The following YAP1 variants were observed in gnomAD, a reference collection of about 807,000 sequenced individuals.
YAP1 encodes Yes1 associated transcriptional regulator.
YAP1 carries 5 observed loss-of-function variants against 56.9 expected under a neutral mutation model. That is an observed-to-expected ratio of 0.09 (90% confidence interval 0.05 to 0.18). The LOEUF is 0.18. Among genes scored for constraint, YAP1 ranks in the 10% least tolerant of loss-of-function variants. YAP1 has a pLI of 1.00. For synonymous variants in YAP1, 265 were observed against 248.1 expected, an observed-to-expected ratio of 1.07 and a Z score of -0.64; for missense variants, 539 against 651.8, an observed-to-expected ratio of 0.83 and a Z score of 1.88.
intron 4 of YAP1, among the ~76,000 whole-genome samples, chr11:102,191,573 G>C (rs1330471096): frequency 6.6e-6 from 1 of 152,102 alleles, no homozygotes; most frequent in Non-Finnish European, 1.5e-5. Flanking sequence ...ATGAAAATTT[G>C]AGAGGGAGAA....
chr11:102,146,658 C>T (rs1295059593), intron 2 of YAP1, among the ~76,000 whole-genome samples: 1 of 152,144 alleles, frequency 6.6e-6, no homozygotes, highest in Non-Finnish European at 1.5e-5. Flanking sequence ...ATAGCATTTC[C>T]TCAACTCTAA....
chr11:102,110,883 C>A lies in YAP1; in HGVS notation c.35C>A (p.Ala12Asp). 7.0e-7 allele frequency: 1 copy of A among 1,419,960 alleles called. No homozygotes were observed. The highest frequency in any genetic ancestry group is 9.2e-7 in the Non-Finnish European group (1 of 1,084,582). 88.0% of individuals were successfully genotyped at this position (1,419,960 alleles called of 1,614,324 possible). Residue 12 changes from alanine (A) to aspartate (D), a missense_variant, in exon 1 of 9, where the codon GCC (alanine) becomes GAC (aspartate). Coordinates refer to ENST00000282441, the MANE Select transcript of YAP1 (RefSeq NM_001130145.3). ...DPGQQPPPQP[A>D]PQGQGQPPSQ... is the part of the protein sequence containing the mutation. ...GGGCAGCAGCCGCCGCCTCAACCGGCCCCCCAGGGCCAAGGGCAGCCGCCT... is the reference window on the plus strand; with the variant it reads ...GGGCAGCAGCCGCCGCCTCAACCGGACCCCCAGGGCCAAGGGCAGCCGCCT...
In YAP1 at chr11:102,233,253, C is replaced by G. The variant is rs1369410456; in HGVS notation, c.*3313C>G. The G allele has an allele frequency of 6.6e-6, 1 of 152,126 alleles. No homozygotes were observed. The highest frequency in any genetic ancestry group is 1.5e-5 in the Non-Finnish European group (1 of 68,016). The allele number at this position is 152,126 out of a possible 1,614,324, so 9.4% of individuals were successfully genotyped here. A position where few individuals can be genotyped will look rare whatever the true frequency, so the allele number is the denominator to read the frequency against. Reference sequence around the variant, plus strand: ...TTATATTAGAGAATTCTTTAATGCACACTTGTCAAATATATATATATAGTA... The same window carrying G: ...TTATATTAGAGAATTCTTTAATGCAGACTTGTCAAATATATATATATAGTA... On this transcript the variant is annotated 3_prime_UTR_variant, in exon 9 of 9. Coordinates refer to ENST00000282441, the MANE Select transcript of YAP1 (RefSeq NM_001130145.3).
At chr11:102,211,374 C>T (rs1016382573) in intron 6 of YAP1, among the ~76,000 whole-genome samples, 1 of 152,000 alleles carries the variant, frequency 6.6e-6, no homozygotes, top group South Asian at 2.1e-4. Flanking sequence ...TTCTAAGATA[C>T]GAAGATTAGA....
chr11:102,211,302 A>G (rs1203038475), intron 6 of YAP1, among the ~76,000 whole-genome samples: 2 of 152,196 alleles, frequency 1.3e-5, no homozygotes, highest in African/African-American at 4.8e-5. Context: ...AATTATCAGG[A>G]ATTCTTAGAT....
chr11:102,179,922 A>G (rs181417020), intron 3 of YAP1, among the ~76,000 whole-genome samples: 1 of 152,224 alleles, frequency 6.6e-6, no homozygotes, highest in East Asian at 1.9e-4. Context: ...AATTGAGCTT[A>G]CATAGAAAGA....
chr11:102,185,917 A>C, intron 3 of YAP1, 101 bp from the exon 4 acceptor site: 1 of 1,167,680 alleles, frequency 8.6e-7, no homozygotes, highest in Non-Finnish European at 1.2e-6. Context: ...GAATTGTTTT[A>C]TGTTAAGATG....
At chr11:102,160,223 A>C (rs1193330147) in intron 2 of YAP1, among the ~76,000 whole-genome samples, 1 of 151,812 alleles carries the variant, frequency 6.6e-6, no homozygotes, top group Non-Finnish European at 1.5e-5. Flanking sequence ...GGGTTCTTCC[A>C]TGTTGGTCAG....
chr11:102,219,698 G>T (rs1002132441), intron 6 of YAP1, among the ~76,000 whole-genome samples: 1 of 151,984 alleles, frequency 6.6e-6, no homozygotes, highest in African/African-American at 2.4e-5. Context: ...AGCAGGAAGA[G>T]GTGGCAAGAG....
chr11:102,170,346 T>C (rs1227844432), intron 3 of YAP1, among the ~76,000 whole-genome samples: 2 of 152,230 alleles, frequency 1.3e-5, no homozygotes, highest in Non-Finnish European at 2.9e-5. Context: ...TTTTTAATAG[T>C]GCCACATATT....
rs534468390 is a variant in YAP1 at position 102,229,844 on chromosome 11, T to C, written c.1419T>C (p.Ser473=). ...TAGAAGGAGAGGAGCTGATGCCAAG[T>C]CTGCAGGAAGCTTTGAGTTCTGACA... is the stretch of plus-strand genomic sequence containing the variant. ...MNIEGEELMP[S]LQEALSSDIL... The change falls in exon 9 of 9, where the codon AGT becomes AGC. Residue 473 remains serine (S), a synonymous_variant. Coordinates refer to ENST00000282441, the MANE Select transcript of YAP1 (RefSeq NM_001130145.3). 8.7e-6 allele frequency: 14 copies of C among 1,614,152 alleles called. No homozygotes were observed. In the South Asian group the frequency reaches 1.5e-4, roughly 18 times the overall value.
intron 4 of YAP1, among the ~76,000 whole-genome samples, chr11:102,201,269 C>G (rs551084818): frequency 5.9e-5 from 9 of 152,174 alleles, no homozygotes; most frequent in Non-Finnish European, 8.8e-5. Flanking sequence ...GTTACAAAGG[C>G]AAAAGCAAAG....
At chr11:102,184,056 G>A (rs1316964509) in intron 3 of YAP1, among the ~76,000 whole-genome samples, 6 of 139,898 alleles carry the variant, frequency 4.3e-5, no homozygotes, top group African/African-American at 1.6e-4. Context: ...CAGCCTGGGC[G>A]ACAGAGCGAG....
chr11:102,137,887 T>C (rs933549187), intron 2 of YAP1, among the ~76,000 whole-genome samples: 1 of 152,102 alleles, frequency 6.6e-6, no homozygotes, highest in Admixed American at 6.5e-5. Flanking sequence ...TTCTTTTTTT[T>C]TTCTTTTTTT....
Position 102,167,248 on chromosome 11 carries a change from G to A in YAP1, c.688+4677G>A, listed in dbSNP as rs149716867. On this transcript the variant is annotated intron_variant, in intron 3 of 8. Transcript: ENST00000282441. ...ATTCTTTAACTGTGCCATTTAAGTG[G>A]CAGGGTAAATGACAGCAAGCTTTGT... 7.9e-3 allele frequency among the ~76,000 whole-genome samples: 1,204 copies of A among 152,276 alleles called. 19 individuals carry two copies. Among genetic ancestry groups the A allele is most frequent in the African/African-American group, 0.028 (1,158 of 41,542 alleles).
At chr11:102,178,785 A>AGTAATTTATAAAGAAAGGT (rs1444923141) in intron 3 of YAP1, among the ~76,000 whole-genome samples, 3 of 152,162 alleles carry the variant, frequency 2.0e-5, no homozygotes, top group Non-Finnish European at 4.4e-5. Context: ...ACTGAAACTG[A>AGTAATTTATAAAGAAAGGT]GTAATTTATA....
In YAP1 at chr11:102,192,716, T is replaced by A. The variant is rs555311505; in HGVS notation, c.802+6585T>A. 7.2e-5 allele frequency among the ~76,000 whole-genome samples: 11 copies of A among 152,366 alleles called. No individual in the cohort carries two copies. In the South Asian group the frequency reaches 2.3e-3, roughly 32 times the overall value. ...TCAGTAACTGCTTTGGACTCTTGCT[T>A]AAGGTTACTTCTCAATAGCCTTTTT... On this transcript the variant is annotated intron_variant, in intron 4 of 8. Transcript: ENST00000282441.
In YAP1 at chr11:102,206,002, A is replaced by G. The variant is rs1308436068; in HGVS notation, c.912A>G (p.Gln304=). 9.3e-6 allele frequency: 15 copies of G among 1,614,010 alleles called. No homozygotes were observed. The East Asian group carries it at 1.6e-4, about 17-fold the overall frequency. The change falls in exon 5 of 9, where the codon CAA becomes CAG. Residue 304 remains glutamine (Q), a synonymous_variant. Coordinates refer to ENST00000282441, the MANE Select transcript of YAP1 (RefSeq NM_001130145.3). ...GTGGCAGCAACTCCAACCAGCAGCA[A>G]CAGATGCGACTGCAGCAACTGCAGA... ...VMGGSNSNQQ[Q]QMRLQQLQME...
intron 4 of YAP1, among the ~76,000 whole-genome samples, chr11:102,203,249 C>T (rs1591407498): frequency 6.6e-6 from 1 of 152,150 alleles, no homozygotes; most frequent in Non-Finnish European, 1.5e-5. Flanking sequence ...CCAGAAACCA[C>T]AGAACCATGT....
Sources: allele counts gnomAD v4.1 joint callset (sites outside exome capture counted in the v4.1 genomes callset), GRCh38; gene constraint gnomAD v4.1.1; transcripts MANE v1.5; gene names NCBI Gene and HGNC (gene_info 2026-07-23, HGNC 2026-07-21).